Variants in B3GALT1 observed in about 807,000 individuals in gnomAD.
B3GALT1 encodes the protein beta-1,3-galactosyltransferase 1.
A neutral mutation model predicts 23.2 loss-of-function variants in B3GALT1; 10 were observed. That is an observed-to-expected ratio of 0.43 (90% CI 0.27 to 0.73). B3GALT1 has a LOEUF of 0.73. Ranked by LOEUF, B3GALT1 falls within the 30% of genes least tolerant of loss-of-function variation. The pLI, the probability that B3GALT1 is intolerant of heterozygous loss-of-function variation, is 0.21. For synonymous variants in B3GALT1, 156 were observed against 141.5 expected (o/e 1.10, Z -0.73); for missense variants, 299 against 405.4 (o/e 0.74, Z 2.25).
In B3GALT1 at chr2:167,625,942, C is replaced by CATAT. The variant is rs10522850; in HGVS notation, c.-409-20926_-409-20923dup. 5.4e-3 allele frequency among the ~76,000 whole-genome samples: 636 copies of CATAT among 118,038 alleles called. 4 individuals are homozygous for CATAT. Among genetic ancestry groups the CATAT allele is most frequent in the African/African-American group, 8.6e-3 (236 of 27,522 alleles). The allele number at this position is 118,038 out of a possible 152,430, so 77.4% of individuals were successfully genotyped here. ...ATGACAGAAAAATCAATGACTAGGC[C>CATAT]ATATATATATATATATATATATATA... is the stretch of plus-strand genomic sequence containing the variant. On this transcript the variant is annotated intron_variant, in intron 2 of 4. Transcript: ENST00000392690.
At chr2:167,653,546 G>A (rs533441478) in intron 3 of B3GALT1, among the ~76,000 whole-genome samples, 2 of 152,252 alleles carry the variant, frequency 1.3e-5, no homozygotes, top group South Asian at 4.1e-4. Flanking sequence ...TGGAATCACA[G>A]AATTATCAAG....
intron 3 of B3GALT1, among the ~76,000 whole-genome samples, chr2:167,710,769 C>A (rs1432262098): frequency 1.3e-5 from 2 of 152,128 alleles, no homozygotes; most frequent in African/African-American, 4.8e-5. Flanking sequence ...TTGCTCCTGG[C>A]CCCTTCAAAT....
intron 4 of B3GALT1, among the ~76,000 whole-genome samples, chr2:167,830,204 T>C: frequency 6.6e-6 from 1 of 152,070 alleles, no homozygotes; most frequent in East Asian, 1.9e-4. Flanking sequence ...TCTGCAGCCC[T>C]CAACACTTGA....
rs71395297 is a variant in B3GALT1 at position 167,579,432 on chromosome 2, C to CTTTTTTTTT, written c.-409-67470_-409-67462dup. On this transcript the variant is annotated intron_variant, in intron 2 of 4. Coordinates refer to ENST00000392690, the MANE Select transcript of B3GALT1 (RefSeq NM_020981.4). ...TGGTTTTGGTTTTGTTTTTTTTTGT[C>CTTTTTTTTT]TTTTTTTTTTTTTTTCCATTTAAAT... 6.7e-4 allele frequency among the ~76,000 whole-genome samples: 73 copies of CTTTTTTTTT among 109,000 alleles called. 5 individuals are homozygous for CTTTTTTTTT. Among genetic ancestry groups the CTTTTTTTTT allele is most frequent in the East Asian group, 1.5e-3 (4 of 2,610 alleles). The allele number at this position is 109,000 out of a possible 152,430, so 71.5% of individuals were successfully genotyped here.
chr2:167,388,524 A>G (rs191596143), intron 1 of B3GALT1, among the ~76,000 whole-genome samples: 351 of 152,244 alleles, frequency 2.3e-3, no homozygotes, highest in Middle Eastern at 0.01. Flanking sequence ...TGAAGGGACT[A>G]CCTGAGAATA....
chr2:167,329,948 A>G (rs1696948094), intron 1 of B3GALT1, among the ~76,000 whole-genome samples: 1 of 151,990 alleles, frequency 6.6e-6, no homozygotes, highest in Non-Finnish European at 1.5e-5. Context: ...CTGTTTTTAG[A>G]AGTCTGTTTT....
chr2:167,843,976 A>T (rs1440480687), intron 4 of B3GALT1, among the ~76,000 whole-genome samples: 1 of 152,204 alleles, frequency 6.6e-6, no homozygotes, highest in Non-Finnish European at 1.5e-5. Flanking sequence ...CCCTATATTC[A>T]TATCACTGGA....
chr2:167,435,578 C>T (rs1698772032), intron 1 of B3GALT1, among the ~76,000 whole-genome samples: 1 of 151,418 alleles, frequency 6.6e-6, no homozygotes, highest in Non-Finnish European at 1.5e-5. Flanking sequence ...ATGTAAGACT[C>T]TTAGTTTTGC....
At chr2:167,517,479 A>G (rs1056932881) in intron 2 of B3GALT1, among the ~76,000 whole-genome samples, 3 of 152,082 alleles carry the variant, frequency 2.0e-5, no homozygotes, top group African/African-American at 7.2e-5. Context: ...TTAGCCAGTT[A>G]GTATACTGCC....
chr2:167,380,619 C>T (rs1236461042), intron 1 of B3GALT1, among the ~76,000 whole-genome samples: 1 of 152,092 alleles, frequency 6.6e-6, no homozygotes. Context: ...AAAATGGCAT[C>T]CTGTTCTCAG....
intron 4 of B3GALT1, among the ~76,000 whole-genome samples, chr2:167,851,594 A>T (rs1217904904): frequency 6.6e-6 from 1 of 152,248 alleles, no homozygotes. Context: ...TCTACCCATT[A>T]GCACCTCACT....
chr2:167,553,576 A>G (rs1398950343), intron 2 of B3GALT1, among the ~76,000 whole-genome samples: 1 of 152,208 alleles, frequency 6.6e-6, no homozygotes, highest in African/African-American at 2.4e-5. Context: ...GGTATGCCCT[A>G]GGTATTATAC....
chr2:167,616,132 C>T (rs1685157452), intron 2 of B3GALT1, among the ~76,000 whole-genome samples: 1 of 151,840 alleles, frequency 6.6e-6, no homozygotes, highest in African/African-American at 2.4e-5. Flanking sequence ...AAATGTTAAA[C>T]AATAATGGTT....
chr2:167,563,935 C>T (rs1467146884), intron 2 of B3GALT1, among the ~76,000 whole-genome samples: 5 of 36,990 alleles, frequency 1.4e-4, no homozygotes, highest in Admixed American at 1.1e-3. Flanking sequence ...CCAGACGGGG[C>T]GGCTGGCCAG....
intron 1 of B3GALT1, among the ~76,000 whole-genome samples, chr2:167,309,346 C>G (rs547079151): frequency 1.2e-4 from 19 of 152,022 alleles, no homozygotes; most frequent in Admixed American, 1.0e-3. Flanking sequence ...AAATAAATAG[C>G]AAGAGTTGAG....
chr2:167,617,779 C>G (rs1184444598), intron 2 of B3GALT1, among the ~76,000 whole-genome samples: 1 of 151,950 alleles, frequency 6.6e-6, no homozygotes, highest in African/African-American at 2.4e-5. Flanking sequence ...GTAGGGGCAT[C>G]AAGGTTCTAA....
intron 2 of B3GALT1, among the ~76,000 whole-genome samples, chr2:167,635,132 T>G (rs1210584761): frequency 1.3e-5 from 2 of 152,188 alleles, no homozygotes; most frequent in African/African-American, 2.4e-5. Context: ...AGAAAAGTTC[T>G]TGGATAAAAT....
intron 2 of B3GALT1, among the ~76,000 whole-genome samples, chr2:167,593,111 C>T (rs1389309524): frequency 1.3e-5 from 2 of 152,124 alleles, no homozygotes; most frequent in East Asian, 1.9e-4. Context: ...CTAGCATTTC[C>T]TCTTGTAGGT....
At chr2:167,715,709 T>A in intron 3 of B3GALT1, 1 of 1,613,292 alleles carries the variant, frequency 6.2e-7, no homozygotes, top group Non-Finnish European at 8.5e-7. Context: ...TGCTGCCGCC[T>A]TCTCAAAGCT....
Sources: allele counts gnomAD v4.1 joint callset (sites outside exome capture counted in the v4.1 genomes callset), GRCh38; gene constraint gnomAD v4.1.1; transcripts MANE v1.5; gene names NCBI Gene and HGNC (gene_info 2026-07-23, HGNC 2026-07-21).